Variants in BARX2 observed in about 807,000 individuals in gnomAD.
BARX2 encodes BARX homeobox 2.
Under a neutral mutation model 25.5 loss-of-function variants are expected in BARX2, and 11 were observed. The ratio of observed to expected loss-of-function variants is 0.43; its 90% CI spans 0.27 to 0.71. The LOEUF is 0.71. Among genes scored for constraint, BARX2 ranks in the 30% least tolerant of loss-of-function variants. The probability of loss-of-function intolerance (pLI) is 0.19; values close to 1 mark genes in which losing one functional copy is unlikely to be tolerated. For synonymous variants in BARX2, 137 were observed against 149.5 expected (o/e 0.92, Z 0.61); for missense variants, 360 against 359.9 (o/e 1.00, Z 0.00).
At chr11:129,378,898 AC>A (rs1861533136) in intron 1 of BARX2, among the ~76,000 whole-genome samples, 1 of 152,036 alleles carries the variant, frequency 6.6e-6, no homozygotes, top group Non-Finnish European at 1.5e-5. Context: ...GGATTTAGTA[AC>A]CTAAAGGTCA....
chr11:129,405,810 A>G (rs867010675), intron 1 of BARX2, among the ~76,000 whole-genome samples: 16 of 152,218 alleles, frequency 1.1e-4, no homozygotes, highest in Admixed American at 5.9e-4. Context: ...CCCTCTGCCT[A>G]GAATGCTTGC....
Position 129,451,416 on chromosome 11 carries a change from T to C in BARX2, c.*14T>C, listed in dbSNP as rs1270847855. 3 of 1,606,650 alleles carry C rather than the reference T, an allele frequency of 1.9e-6. No homozygotes were observed. Among genetic ancestry groups the C allele is most frequent in the Admixed American group, 1.7e-5 (1 of 59,802 alleles). The stretch of plus-strand genomic sequence containing the variant: ...CCATTAAGCTAAAGTAAAACCCTTT[T>C]GAGGGAAGAGGGAGACTGGGGAGAA... On this transcript the variant is annotated 3_prime_UTR_variant, in exon 4 of 4. Transcript: ENST00000281437.
At chr11:129,404,276 G>C (rs1198933458) in intron 1 of BARX2, among the ~76,000 whole-genome samples, 6 of 152,228 alleles carry the variant, frequency 3.9e-5, no homozygotes, top group Non-Finnish European at 5.9e-5. Flanking sequence ...GGCTGACGGG[G>C]TGAACAGTGC....
chr11:129,399,113 T>G (rs1446834236), intron 1 of BARX2, among the ~76,000 whole-genome samples: 2 of 152,206 alleles, frequency 1.3e-5, no homozygotes, highest in Non-Finnish European at 2.9e-5. Flanking sequence ...GTCCCCTGGG[T>G]CAGCTCAGAT....
chr11:129,430,886 G>C (rs962912895), intron 1 of BARX2, among the ~76,000 whole-genome samples: 1 of 152,144 alleles, frequency 6.6e-6, no homozygotes, highest in Non-Finnish European at 1.5e-5. Context: ...TTTTGAAACA[G>C]AGTCTTGCTC....
chr11:129,388,612 A>C (rs1490151818), intron 1 of BARX2, among the ~76,000 whole-genome samples: 2 of 152,226 alleles, frequency 1.3e-5, no homozygotes, highest in Non-Finnish European at 2.9e-5. Context: ...TTCAGTGAGA[A>C]AAAATGTCTG....
rs1470503616 is a variant in BARX2 at position 129,376,551 on chromosome 11, G to T, written c.187+329G>T. 6.6e-6 allele frequency among the ~76,000 whole-genome samples: 1 copy of T among 152,214 alleles called. No individual in the cohort carries two copies. The highest frequency in any genetic ancestry group is 2.4e-5 in the African/African-American group (1 of 41,456). ...GAGCAGGTTCAGCGTCTAAATCGTT[G>T]TTTCAGGAAGTGGTGGTGTGTGTGA... is the stretch of plus-strand genomic sequence containing the variant. On this transcript the variant is annotated intron_variant, in intron 1 of 3. Transcript: ENST00000281437. The surrounding 1 kb of genome is among the most constrained non-coding windows in gnomAD (Gnocchi z 4.2).
chr11:129,388,254 A>G (rs1462926681), intron 1 of BARX2, among the ~76,000 whole-genome samples: 1 of 152,118 alleles, frequency 6.6e-6, no homozygotes, highest in East Asian at 1.9e-4. Context: ...TCCTGTGGTG[A>G]TTGGGGTTTC....
At chr11:129,442,359 G>A (rs1312069161) in intron 2 of BARX2, among the ~76,000 whole-genome samples, 1 of 152,094 alleles carries the variant, frequency 6.6e-6, no homozygotes, top group African/African-American at 2.4e-5. Context: ...CCTGTGGGAG[G>A]GTGCAGAGGA....
At chr11:129,391,140 T>A (rs537333499) in intron 1 of BARX2, among the ~76,000 whole-genome samples, 1 of 152,306 alleles carries the variant, frequency 6.6e-6, no homozygotes, top group South Asian at 2.1e-4. Flanking sequence ...ATTACATGTA[T>A]TATGGTGTTT....
At chr11:129,432,378 C>T (rs1043064255) in intron 1 of BARX2, among the ~76,000 whole-genome samples, 1 of 152,146 alleles carries the variant, frequency 6.6e-6, no homozygotes, top group African/African-American at 2.4e-5. Context: ...GTTGAAAAGA[C>T]TACTATTTCT....
At chr11:129,441,690 T>G (rs1007465337) in intron 2 of BARX2, among the ~76,000 whole-genome samples, 1 of 152,166 alleles carries the variant, frequency 6.6e-6, no homozygotes, top group Non-Finnish European at 1.5e-5. Flanking sequence ...CCTCAGGTGA[T>G]CCACCCGCCT....
chr11:129,379,691 A>G (rs1378097526), intron 1 of BARX2, among the ~76,000 whole-genome samples: 1 of 152,140 alleles, frequency 6.6e-6, no homozygotes, highest in African/African-American at 2.4e-5. Context: ...TTGAGAAAAA[A>G]TGGATAACTT....
intron 1 of BARX2, among the ~76,000 whole-genome samples, chr11:129,392,157 C>G (rs558926783): frequency 6.6e-6 from 1 of 152,168 alleles, no homozygotes; most frequent in Admixed American, 6.5e-5. Flanking sequence ...GGATGAAGCA[C>G]GACTCTCTCT....
chr11:129,394,897 G>A (rs935902985), intron 1 of BARX2, among the ~76,000 whole-genome samples: 13 of 150,830 alleles, frequency 8.6e-5, no homozygotes, highest in South Asian at 2.1e-4. Flanking sequence ...CAAAGGCACC[G>A]AGGTTTAGGA....
At chr11:129,433,333 A>G (rs1358286929) in intron 1 of BARX2, among the ~76,000 whole-genome samples, 1 of 152,130 alleles carries the variant, frequency 6.6e-6, no homozygotes, top group African/African-American at 2.4e-5. Flanking sequence ...CCTCTGGTCT[A>G]CTGGCCTCCT....
chr11:129,391,460 A>T (rs952402892), intron 1 of BARX2, among the ~76,000 whole-genome samples: 7 of 152,178 alleles, frequency 4.6e-5, no homozygotes, highest in African/African-American at 1.7e-4. Flanking sequence ...CTGGCCCTTT[A>T]CAAGGAAGGT....
intron 1 of BARX2, among the ~76,000 whole-genome samples, chr11:129,426,930 G>A (rs1565518763): frequency 6.6e-6 from 1 of 151,998 alleles, no homozygotes; most frequent in Non-Finnish European, 1.5e-5. Context: ...TGTCAGTCTC[G>A]GTATATGGCT....
chr11:129,380,259 T>C (rs1161390583), intron 1 of BARX2, among the ~76,000 whole-genome samples: 1 of 152,108 alleles, frequency 6.6e-6, no homozygotes, highest in Non-Finnish European at 1.5e-5. Context: ...GGTGTTTATC[T>C]TTTAGGAGGT....
Sources: allele counts gnomAD v4.1 joint callset (sites outside exome capture counted in the v4.1 genomes callset), GRCh38; gene constraint gnomAD v4.1.1; non-coding constraint Gnocchi (gnomAD v3.1); transcripts MANE v1.5; gene names NCBI Gene and HGNC (gene_info 2026-07-23, HGNC 2026-07-21).